Variants in KHDRBS2 observed in about 807,000 individuals in gnomAD.
KHDRBS2 encodes the protein KH domain-containing, RNA-binding, signal transduction-associated protein 2.
A neutral mutation model predicts 44.3 loss-of-function variants in KHDRBS2; 26 were observed. That is an observed-to-expected ratio of 0.59 (90% CI 0.43 to 0.81). KHDRBS2 has a LOEUF of 0.81. Ranked by LOEUF, KHDRBS2 falls within the 40% of genes least tolerant of loss-of-function variation. KHDRBS2 has a pLI of 0.00. For missense variants in KHDRBS2, 476 were observed against 433.1 expected (o/e 1.10, Z -0.88); for synonymous variants, 194 against 151.1 (o/e 1.28, Z -2.08).
At chr6:61,990,684 A>G (rs1775961536) in intron 3 of KHDRBS2, among the ~76,000 whole-genome samples, 1 of 151,876 alleles carries the variant, frequency 6.6e-6, no homozygotes, top group South Asian at 2.1e-4. Context: ...TACTTCAGAA[A>G]CAGTACCTAG....
At chr6:61,725,128 A>T (rs544416073) in intron 7 of KHDRBS2, among the ~76,000 whole-genome samples, 1 of 152,198 alleles carries the variant, frequency 6.6e-6, no homozygotes, top group Non-Finnish European at 1.5e-5. Flanking sequence ...GTGCAATCAA[A>T]TTTGATCTCA....
At chr6:61,674,135 C>G in the KHDRBS2 span, among the ~76,000 whole-genome samples, 1 of 151,738 alleles carries the variant, frequency 6.6e-6, no homozygotes, top group African/African-American at 2.4e-5. Context: ...CCACCAATGA[C>G]TGTAGTCATG....
chr6:61,669,122 AC>A, the KHDRBS2 span, among the ~76,000 whole-genome samples: 1 of 151,066 alleles, frequency 6.6e-6, no homozygotes, highest in Non-Finnish European at 1.5e-5. Flanking sequence ...GGCATAATAT[AC>A]ATGATGATTA....
the KHDRBS2 span, among the ~76,000 whole-genome samples, chr6:61,578,209 G>A: frequency 4.9e-4 from 75 of 151,964 alleles, no homozygotes; most frequent in Non-Finnish European, 9.0e-4. Context: ...AGCAAACACC[G>A]CAATTACTTT....
chr6:61,934,936 C>CTAAG (rs1304064939), intron 4 of KHDRBS2, among the ~76,000 whole-genome samples: 2 of 152,170 alleles, frequency 1.3e-5, no homozygotes, highest in African/African-American at 4.8e-5. Context: ...ATCATTGCTA[C>CTAAG]TAAGTATGGC....
the KHDRBS2 span, among the ~76,000 whole-genome samples, chr6:61,547,272 G>A: frequency 2.0e-5 from 3 of 152,138 alleles, no homozygotes; most frequent in South Asian, 6.2e-4. Context: ...ATAGGTTTGA[G>A]AAAATTGCCA....
At chr6:62,070,853 C>A (rs1033669649) in intron 2 of KHDRBS2, among the ~76,000 whole-genome samples, 5 of 151,946 alleles carry the variant, frequency 3.3e-5, no homozygotes, top group Admixed American at 3.3e-4. Flanking sequence ...GGGTATATAC[C>A]CAGCAATGGG....
chr6:62,094,994 G>A (rs1484046200), intron 2 of KHDRBS2, among the ~76,000 whole-genome samples: 1 of 151,908 alleles, frequency 6.6e-6, no homozygotes, highest in Non-Finnish European at 1.5e-5. Flanking sequence ...AAGGTAGTGT[G>A]CTACCACCAG....
intron 8 of KHDRBS2, among the ~76,000 whole-genome samples, chr6:61,681,610 A>G (rs1288875046): frequency 1.3e-5 from 2 of 150,976 alleles, no homozygotes; most frequent in African/African-American, 4.9e-5. Context: ...TAGAGTAGAA[A>G]AAACCTTAAG....
intron 2 of KHDRBS2, among the ~76,000 whole-genome samples, chr6:62,156,877 GGGTTTCACC>G (rs1816543601): frequency 7.5e-5 from 11 of 146,620 alleles, no homozygotes; most frequent in Admixed American, 7.4e-4. Flanking sequence ...AGTAGAGACG[GGGTTTCACC>G]GTGTTAGCCA....
At chr6:61,606,128 C>T in the KHDRBS2 span, among the ~76,000 whole-genome samples, 4 of 152,182 alleles carry the variant, frequency 2.6e-5, no homozygotes, top group African/African-American at 2.4e-5. Context: ...TTCCACTACC[C>T]ATCCAAATCT....
chr6:61,732,370 C>G (rs1424621223), intron 7 of KHDRBS2, among the ~76,000 whole-genome samples: 1 of 151,332 alleles, frequency 6.6e-6, no homozygotes, highest in Non-Finnish European at 1.5e-5. Flanking sequence ...TGAACAAGTG[C>G]CTTACTTTTA....
In KHDRBS2 at chr6:62,260,671, TG is replaced by T. The variant is rs534690337; in HGVS notation, c.91+25186del. Among the ~76,000 whole-genome samples, 699 of 152,084 alleles carry T rather than the reference TG, an allele frequency of 4.6e-3. 7 individuals are homozygous for T. Among genetic ancestry groups the T allele is most frequent in the African/African-American group, 0.016 (664 of 41,520 alleles). On this transcript the variant is annotated intron_variant, in intron 1 of 8. Transcript: ENST00000281156. Reference sequence around the variant, plus strand: ...GGTGATCTCTTTCAAGAACTATATTTGTAGATAAATATATCTAACTCCGAAG... The same window carrying T: ...GGTGATCTCTTTCAAGAACTATATTTTAGATAAATATATCTAACTCCGAAG...
At chr6:62,176,970 T>A (rs1379736848) in intron 2 of KHDRBS2, among the ~76,000 whole-genome samples, 1 of 151,374 alleles carries the variant, frequency 6.6e-6, no homozygotes. Context: ...GCCTCCTACA[T>A]TCACAGAACA....
chr6:61,650,379 T>G, the KHDRBS2 span, among the ~76,000 whole-genome samples: 2 of 149,960 alleles, frequency 1.3e-5, no homozygotes, highest in Non-Finnish European at 3.0e-5. Context: ...TTGTCTGTCA[T>G]GCCTTGTTCA....
chr6:62,008,088 C>T (rs1167064851), intron 3 of KHDRBS2, among the ~76,000 whole-genome samples: 1 of 152,078 alleles, frequency 6.6e-6, no homozygotes, highest in Non-Finnish European at 1.5e-5. Flanking sequence ...GTAACATATT[C>T]CTGATTAAAA....
chr6:62,283,364 A>T (rs1020240767), intron 1 of KHDRBS2, among the ~76,000 whole-genome samples: 2 of 152,160 alleles, frequency 1.3e-5, no homozygotes, highest in African/African-American at 4.8e-5. Flanking sequence ...AGCACTGTCA[A>T]TTGAGCACTG....
At chr6:62,010,153 C>A (rs774237249) in intron 3 of KHDRBS2, among the ~76,000 whole-genome samples, 1 of 152,124 alleles carries the variant, frequency 6.6e-6, no homozygotes, top group South Asian at 2.1e-4. Flanking sequence ...ACTACAGGAA[C>A]CTATCTCTTG....
chr6:62,188,772 T>C (rs1243480726), intron 1 of KHDRBS2, among the ~76,000 whole-genome samples: 3 of 152,074 alleles, frequency 2.0e-5, no homozygotes, highest in East Asian at 3.9e-4. Context: ...CTTCTGAAAA[T>C]AGGTCATTAG....
Sources: gnomAD v4.1 joint callset for allele counts (sites outside exome capture counted in the v4.1 genomes callset) on GRCh38, gnomAD v4.1.1 for gene constraint, MANE v1.5 for transcripts, NCBI Gene and HGNC (gene_info 2026-07-23, HGNC 2026-07-21) for gene names.